DLG2: variants seen among roughly 807,000 people sequenced by gnomAD.
DLG2 encodes the protein discs large MAGUK scaffold protein 2.
In DLG2, 45 loss-of-function variants were observed where a neutral mutation model predicts 132.5. The observed-to-expected ratio is 0.34, with a 90% CI of 0.27 to 0.44. DLG2 has a LOEUF of 0.44. Among genes scored for constraint, DLG2 ranks in the 20% least tolerant of loss-of-function variants. DLG2 has a pLI of 1.00. For synonymous variants in DLG2, 424 were observed against 419.6 expected (o/e 1.01, Z -0.13); for missense variants, 1,045 against 1,196.9 (o/e 0.87, Z 1.87).
rs183197533 is a variant in DLG2 at position 85,441,551 on chromosome 11, T to C, written c.41-156186A>G. ...GTCTCAATCAATGATCACTTATTCATTCAGTCAACAAATATTTATTATTAT... is the reference window on the plus strand; with the variant it reads ...GTCTCAATCAATGATCACTTATTCACTCAGTCAACAAATATTTATTATTAT... On this transcript the variant is annotated intron_variant, in intron 3 of 27. Transcript: ENST00000376104. 6.4e-4 allele frequency among the ~76,000 whole-genome samples: 97 copies of C among 152,334 alleles called. 1 individual carries two copies. Among genetic ancestry groups the C allele is most frequent in the Middle Eastern group, 3.4e-3 (1 of 294 alleles).
At chr11:84,543,026 C>T (rs1323424514) in intron 6 of DLG2, among the ~76,000 whole-genome samples, 2 of 152,150 alleles carry the variant, frequency 1.3e-5, no homozygotes, top group East Asian at 3.9e-4. Flanking sequence ...ATACCTACTG[C>T]ATCCTCACTC....
At chr11:83,989,171 A>G (rs1004981868) in intron 11 of DLG2, among the ~76,000 whole-genome samples, 1 of 152,154 alleles carries the variant, frequency 6.6e-6, no homozygotes, top group Non-Finnish European at 1.5e-5. Context: ...TGGTAGCTGC[A>G]GTCAGTAACT....
chr11:84,739,534 C>T (rs2064311216), intron 6 of DLG2, among the ~76,000 whole-genome samples: 1 of 152,050 alleles, frequency 6.6e-6, no homozygotes, highest in Admixed American at 6.5e-5. Context: ...TTTTATATCA[C>T]TAGGAAAAGA....
chr11:83,552,104 A>G (rs964946418), intron 19 of DLG2, among the ~76,000 whole-genome samples: 2 of 152,244 alleles, frequency 1.3e-5, no homozygotes, highest in African/African-American at 4.8e-5. Flanking sequence ...CATTCTAGTA[A>G]AACGAGATTG....
intron 22 of DLG2, 68 bp downstream of exon 22, chr11:83,484,061 C>A: frequency 7.7e-7 from 1 of 1,303,378 alleles, no homozygotes. Context: ...AGCCTACATC[C>A]TGCGTGTTGC....
At chr11:85,167,397 G>A (rs1367149523) in intron 4 of DLG2, among the ~76,000 whole-genome samples, 1 of 152,120 alleles carries the variant, frequency 6.6e-6, no homozygotes, top group Non-Finnish European at 1.5e-5. Context: ...GTCTTTAGGT[G>A]GGGTTCAGAA....
At chr11:84,666,518 G>T (rs1565604544) in intron 6 of DLG2, among the ~76,000 whole-genome samples, 1 of 151,792 alleles carries the variant, frequency 6.6e-6, no homozygotes, top group Non-Finnish European at 1.5e-5. Context: ...ACCCCATATT[G>T]GTTCTGTTTC....
intron 6 of DLG2, among the ~76,000 whole-genome samples, chr11:84,659,643 C>A (rs940921604): frequency 6.6e-6 from 1 of 152,044 alleles, no homozygotes; most frequent in Non-Finnish European, 1.5e-5. Context: ...ATTTCTCACC[C>A]TGGGAATTAT....
At chr11:83,964,698 T>C (rs1389208809) in intron 13 of DLG2, among the ~76,000 whole-genome samples, 1 of 152,004 alleles carries the variant, frequency 6.6e-6, no homozygotes, top group Non-Finnish European at 1.5e-5. Flanking sequence ...ATATGAGGCT[T>C]ATGCAACAGT....
intron 11 of DLG2, among the ~76,000 whole-genome samples, chr11:83,982,243 TG>T (rs1232488801): frequency 6.6e-6 from 1 of 151,946 alleles, no homozygotes; most frequent in Non-Finnish European, 1.5e-5. Flanking sequence ...TTAAAAAAAA[TG>T]TTAATTGTAG....
chr11:84,140,256 G>T (rs1439793845), intron 9 of DLG2, among the ~76,000 whole-genome samples: 4 of 152,096 alleles, frequency 2.6e-5, no homozygotes, highest in Non-Finnish European at 5.9e-5. Context: ...TTTCTTATTT[G>T]CAAAATGAGG....
chr11:84,384,392 A>C (rs189470596), intron 7 of DLG2, among the ~76,000 whole-genome samples: 1 of 152,204 alleles, frequency 6.6e-6, no homozygotes, highest in East Asian at 1.9e-4. Flanking sequence ...TTATCCAAGC[A>C]ACATTAGTTA....
chr11:84,159,821 T>C (rs1463873810), intron 9 of DLG2, among the ~76,000 whole-genome samples: 1 of 152,148 alleles, frequency 6.6e-6, no homozygotes, highest in African/African-American at 2.4e-5. Context: ...GAGCAGGTGG[T>C]AAGATCTGAC....
chr11:83,616,072 T>C (rs1056033786), intron 19 of DLG2, among the ~76,000 whole-genome samples: 2 of 152,216 alleles, frequency 1.3e-5, no homozygotes, highest in Admixed American at 1.3e-4. Flanking sequence ...GATTCCTATC[T>C]GCTATTATTG....
intron 3 of DLG2, among the ~76,000 whole-genome samples, chr11:85,428,695 C>T (rs1462145258): frequency 1.3e-5 from 2 of 152,080 alleles, no homozygotes; most frequent in Admixed American, 6.6e-5. Context: ...AAAATTGACA[C>T]CCTAACATCA....
chr11:84,796,677 G>A (rs189747124), intron 6 of DLG2, among the ~76,000 whole-genome samples: 109 of 147,502 alleles, frequency 7.4e-4, no homozygotes, highest in Non-Finnish European at 1.4e-3. Flanking sequence ...CTATTCTAGG[G>A]TAATTTTTTT....
intron 6 of DLG2, among the ~76,000 whole-genome samples, chr11:84,841,215 T>C (rs775658934): frequency 4.6e-5 from 7 of 151,884 alleles, no homozygotes; most frequent in Non-Finnish European, 1.0e-4. Flanking sequence ...GTATGATACA[T>C]AGCTGTACCA....
rs142778265 is a variant in DLG2, at chr11:85,531,227, A to G, written c.40+67430T>C. The stretch of plus-strand genomic sequence containing the variant: ...TAATTGTAAAATGATGAGTGTTGTT[A>G]TTCCCTTATCCTACATTCCTAAATA... On this transcript the variant is annotated intron_variant, in intron 3 of 27. Coordinates refer to ENST00000376104, the MANE Select transcript of DLG2 (RefSeq NM_001142699.3). Among the ~76,000 whole-genome samples the G allele has an allele frequency of 8.5e-5, 13 of 152,338 alleles. No individual in the cohort carries two copies. The East Asian group carries it at 1.5e-3, about 18-fold the overall frequency.
At chr11:84,135,361 C>T (rs182546260) in intron 9 of DLG2, among the ~76,000 whole-genome samples, 1 of 151,964 alleles carries the variant, frequency 6.6e-6, no homozygotes, top group African/African-American at 2.4e-5. Flanking sequence ...ATCAAATATA[C>T]GTTTTTTAAA....
Sources: allele counts gnomAD v4.1 joint callset (sites outside exome capture counted in the v4.1 genomes callset), GRCh38; gene constraint gnomAD v4.1.1; transcripts MANE v1.5; gene names NCBI Gene and HGNC (gene_info 2026-07-23, HGNC 2026-07-21).